The following PLCL1 variants were observed in gnomAD, a reference collection of about 807,000 sequenced individuals.
The protein encoded by PLCL1 is phospholipase C like 1 (inactive).
A neutral mutation model predicts 84.4 loss-of-function variants in PLCL1; 41 were observed. That is an observed-to-expected ratio of 0.49 (90% CI 0.38 to 0.63). The LOEUF (loss-of-function observed/expected upper bound fraction) is 0.63. Ranked by LOEUF, PLCL1 falls within the 30% of genes least tolerant of loss-of-function variation. The probability of loss-of-function intolerance (pLI) is 0.00; values close to 1 mark genes in which losing one functional copy is unlikely to be tolerated. For synonymous variants in PLCL1, 490 were observed against 488.3 expected (o/e 1.00, Z -0.05); for missense variants, 1,206 against 1,367.8 (o/e 0.88, Z 1.87).
chr2:198,107,570 ATTTG>A (rs1241631058), intron 5 of PLCL1, among the ~76,000 whole-genome samples: 2 of 151,938 alleles, frequency 1.3e-5, no homozygotes, highest in Admixed American at 6.6e-5. Flanking sequence ...GTTAGCTGTT[ATTTG>A]TTTGTTTGCC....
chr2:198,024,785 C>A (rs187395785), intron 1 of PLCL1, among the ~76,000 whole-genome samples: 1 of 150,932 alleles, frequency 6.6e-6, no homozygotes, highest in Admixed American at 6.6e-5. Context: ...ACAATTACTA[C>A]GAGTGGTACC....
At chr2:197,897,849 T>C (rs530926257) in intron 1 of PLCL1, among the ~76,000 whole-genome samples, 39 of 152,340 alleles carry the variant, frequency 2.6e-4, no homozygotes, top group South Asian at 1.2e-3. Context: ...TATCCAATGT[T>C]ACCTCAAGAA....
At chr2:197,920,798 T>A (rs892016395) in intron 1 of PLCL1, among the ~76,000 whole-genome samples, 4 of 152,262 alleles carry the variant, frequency 2.6e-5, no homozygotes, top group African/African-American at 9.6e-5. Context: ...CCAGCATTAT[T>A]TGCAAGCCAA....
intron 1 of PLCL1, among the ~76,000 whole-genome samples, chr2:198,067,128 T>C (rs76453759): frequency 7.9e-6 from 1 of 127,330 alleles, no homozygotes; most frequent in African/African-American, 3.4e-5. Flanking sequence ...TGTGGCCCTC[T>C]TTTTTTTTTT....
At position 198,084,032 on chromosome 2, in the gene PLCL1, C is replaced by T. The variant is rs960695648; in HGVS notation, c.515C>T (p.Thr172Met). 5.0e-6 allele frequency: 8 copies of T among 1,614,120 alleles called. No individual in the cohort carries two copies. The highest frequency in any genetic ancestry group is 1.1e-5 in the South Asian group (1 of 91,072). Reference sequence around the variant, plus strand: ...AAAGAGATCAGACTGGGGAAAAACACGGAAACATTTAGAAACAATGGCCTT... The same window carrying T: ...AAAGAGATCAGACTGGGGAAAAACATGGAAACATTTAGAAACAATGGCCTT... ...AIKEIRLGKNTETFRNNGLAD... is the reference protein window; with the variant it reads ...AIKEIRLGKNMETFRNNGLAD... The change falls in exon 2 of 6, where the codon ACG (threonine) becomes ATG (methionine). Residue 172 changes from threonine (T) to methionine (M), a missense_variant. Physicochemically the swap from Thr to Met is moderately conservative, Grantham distance 81. Transcript: ENST00000428675.
At position 197,933,910 on chromosome 2, in the gene PLCL1, C is replaced by G. The variant is rs545770049; in HGVS notation, c.240+128571C>G. On this transcript the variant is annotated intron_variant, in intron 1 of 5. Coordinates refer to ENST00000428675, the MANE Select transcript of PLCL1 (RefSeq NM_006226.4). The stretch of plus-strand genomic sequence containing the variant: ...TTTTTTGGGTACAGTATTTAAGTTA[C>G]TGAGCTTAAAATAAACTTCCTGAAA... Among the ~76,000 whole-genome samples, 4 of 152,162 alleles carry G rather than the reference C, an allele frequency of 2.6e-5. No individual in the cohort carries two copies. In the East Asian group the frequency reaches 7.7e-4, roughly 29 times the overall value.
intron 1 of PLCL1, among the ~76,000 whole-genome samples, chr2:197,965,466 G>T (rs1179343077): frequency 1.3e-5 from 2 of 151,682 alleles, no homozygotes; most frequent in Non-Finnish European, 2.9e-5. Flanking sequence ...TCTTAATCTG[G>T]CTAAAGTTTT....
intron 2 of PLCL1, among the ~76,000 whole-genome samples, chr2:198,086,902 C>T (rs1680352049): frequency 6.6e-6 from 1 of 151,854 alleles, no homozygotes; most frequent in African/African-American, 2.4e-5. Context: ...ATACTAATTA[C>T]CAGTGTATAT....
chr2:198,015,487 T>A (rs551447295), intron 1 of PLCL1, among the ~76,000 whole-genome samples: 7 of 152,288 alleles, frequency 4.6e-5, no homozygotes, highest in African/African-American at 1.7e-4. Flanking sequence ...TAAGTCTTGT[T>A]GGTTATGGTG....
At chr2:197,850,266 T>G (rs1396011157) in intron 1 of PLCL1, among the ~76,000 whole-genome samples, 1 of 152,232 alleles carries the variant, frequency 6.6e-6, no homozygotes, top group Admixed American at 6.5e-5. Flanking sequence ...TCTCTTCCTG[T>G]CTGTCTCACC....
chr2:198,111,349 C>T (rs781709007), intron 5 of PLCL1, among the ~76,000 whole-genome samples: 23 of 151,774 alleles, frequency 1.5e-4, no homozygotes, highest in Non-Finnish European at 3.1e-4. Flanking sequence ...TCACATGTCC[C>T]TTCCACTCAC....
chr2:198,131,660 C>G (rs1244761226), intron 5 of PLCL1, among the ~76,000 whole-genome samples: 1 of 152,218 alleles, frequency 6.6e-6, no homozygotes, highest in African/African-American at 2.4e-5. Flanking sequence ...AACCCCTATT[C>G]TTTCTATCCT....
chr2:197,859,698 G>A (rs1687393143), intron 1 of PLCL1, among the ~76,000 whole-genome samples: 1 of 152,080 alleles, frequency 6.6e-6, no homozygotes, highest in Admixed American at 6.6e-5. Context: ...ACTTACTATT[G>A]TGTTATGATT....
intron 1 of PLCL1, among the ~76,000 whole-genome samples, chr2:198,048,824 C>T (rs994180974): frequency 1.2e-4 from 18 of 152,326 alleles, no homozygotes; most frequent in East Asian, 7.7e-4. Context: ...CACCTCCTAG[C>T]GGCCCCACCT....
intron 1 of PLCL1, among the ~76,000 whole-genome samples, chr2:197,897,195 C>CT (rs368864457): frequency 0.38 from 10,265 of 27,166 alleles, 1,592 homozygotes; most frequent in South Asian, 0.45. Flanking sequence ...TCTTCTCCTT[C>CT]TCCTTCTTCT....
chr2:198,081,891 A>G (rs189960559), intron 1 of PLCL1, among the ~76,000 whole-genome samples: 20 of 152,326 alleles, frequency 1.3e-4, no homozygotes, highest in African/African-American at 2.4e-5. Context: ...AATATTTCCA[A>G]TGAAGGATAT....
chr2:198,075,883 T>G (rs1866666), intron 1 of PLCL1, among the ~76,000 whole-genome samples: 3 of 152,034 alleles, frequency 2.0e-5, no homozygotes, highest in Admixed American at 6.6e-5. Flanking sequence ...ACAAATCACT[T>G]GTACAATGCA....
In PLCL1 at chr2:198,016,767, C is replaced by T. The variant is rs568885450; in HGVS notation, c.241-66991C>T. Among the ~76,000 whole-genome samples the T allele has an allele frequency of 6.6e-5, 10 of 152,262 alleles. No homozygotes were observed. The South Asian group carries it at 1.4e-3, about 22-fold the overall frequency. On this transcript the variant is annotated intron_variant, in intron 1 of 5. Coordinates refer to ENST00000428675, the MANE Select transcript of PLCL1 (RefSeq NM_006226.4). ...ACAAAGCTCAGTATCAGGTTATCCT[C>T]GGGTTGTTTCCTCTGTAATCCTCAT...
chr2:197,897,098 CCTTCTTCTTCTTCTT>C lies in PLCL1; in HGVS notation c.240+91837_240+91851del, dbSNP rs1156287674. 8.1e-4 allele frequency among the ~76,000 whole-genome samples: 96 copies of C among 117,876 alleles called. 1 individual carries two copies. The highest frequency in any genetic ancestry group is 2.4e-3 in the East Asian group (8 of 3,332). 77.3% of individuals were successfully genotyped at this position (117,876 alleles called of 152,430 possible). The stretch of plus-strand genomic sequence containing the variant: ...TACCTTTGGGGATAGAAGTATGACT[CCTTCTTCTTCTTCTT>C]CTTCTTCTTCTTCTTCTTCTTCTTC... On this transcript the variant is annotated intron_variant, in intron 1 of 5. Transcript: ENST00000428675.
Sources: gnomAD v4.1 joint callset for allele counts (sites outside exome capture counted in the v4.1 genomes callset) on GRCh38, gnomAD v4.1.1 for gene constraint, MANE v1.5 for transcripts, NCBI Gene and HGNC (gene_info 2026-07-23, HGNC 2026-07-21) for gene names.